SRPK2: variants seen among roughly 807,000 people sequenced by gnomAD.
SRPK2 encodes the protein SFRS protein kinase 2.
SRPK2 carries 21 observed loss-of-function variants against 90.8 expected under a neutral mutation model. That is an observed-to-expected ratio of 0.23 (90% CI 0.16 to 0.33). SRPK2 has a LOEUF of 0.33. Ranked by LOEUF, SRPK2 falls within the 10% of genes least tolerant of loss-of-function variation. The pLI is 1.00. For synonymous variants in SRPK2, 288 were observed against 311.1 expected, an observed-to-expected ratio of 0.93 and a Z score of 0.78; for missense variants, 620 against 869.0, an observed-to-expected ratio of 0.71 and a Z score of 3.60.
At chr7:105,203,283 C>T (rs1795788250) in intron 3 of SRPK2, among the ~76,000 whole-genome samples, 1 of 152,198 alleles carries the variant, frequency 6.6e-6, no homozygotes, top group Admixed American at 6.5e-5. Flanking sequence ...AGCCACCGCA[C>T]TGGCCCAGTG....
intron 2 of SRPK2, among the ~76,000 whole-genome samples, chr7:105,290,641 G>C (rs563883062): frequency 7.9e-5 from 12 of 152,284 alleles, no homozygotes; most frequent in Admixed American, 7.8e-4. Context: ...ACCAGCTTGG[G>C]TAACACACGC....
At chr7:105,260,883 G>T (rs1178570501) in intron 2 of SRPK2, among the ~76,000 whole-genome samples, 2 of 151,594 alleles carry the variant, frequency 1.3e-5, no homozygotes, top group East Asian at 4.0e-4. Flanking sequence ...GAGCCTATTG[G>T]GGGGTGGGGG....
At chr7:105,329,176 T>G (rs1312688578) in intron 2 of SRPK2, among the ~76,000 whole-genome samples, 2 of 152,150 alleles carry the variant, frequency 1.3e-5, no homozygotes, top group African/African-American at 4.8e-5. Flanking sequence ...TCTTTATATA[T>G]TTCACCATGT....
chr7:105,333,276 G>A (rs1332811273), intron 2 of SRPK2, among the ~76,000 whole-genome samples: 1 of 152,112 alleles, frequency 6.6e-6, no homozygotes, highest in East Asian at 1.9e-4. Flanking sequence ...ATGTTACATT[G>A]GAAATTATAA....
chr7:105,332,194 C>T (rs934661057), intron 2 of SRPK2, among the ~76,000 whole-genome samples: 3 of 152,154 alleles, frequency 2.0e-5, no homozygotes, highest in African/African-American at 7.2e-5. Context: ...GTACATTCCT[C>T]ACTGCCACCT....
At chr7:105,175,102 T>C (rs1311972003) in intron 3 of SRPK2, among the ~76,000 whole-genome samples, 3 of 150,224 alleles carry the variant, frequency 2.0e-5, no homozygotes, top group Non-Finnish European at 4.4e-5. Context: ...ATCACACCAC[T>C]GCACTGCAGC....
intron 2 of SRPK2, among the ~76,000 whole-genome samples, chr7:105,207,801 G>A (rs1017016349): frequency 5.3e-5 from 8 of 152,062 alleles, no homozygotes; most frequent in African/African-American, 1.9e-4. Context: ...AAACTAAATT[G>A]GACTTCAAAA....
intron 2 of SRPK2, among the ~76,000 whole-genome samples, chr7:105,253,873 A>G (rs1384557627): frequency 6.7e-6 from 1 of 149,610 alleles, no homozygotes; most frequent in Admixed American, 6.8e-5. Context: ...AGAGAATCTT[A>G]ATTCCTGTAC....
At chr7:105,270,162 T>A (rs907078771) in intron 2 of SRPK2, among the ~76,000 whole-genome samples, 31 of 152,190 alleles carry the variant, frequency 2.0e-4, no homozygotes, top group Non-Finnish European at 3.4e-4. Context: ...ATAACTTCAA[T>A]GAGCATTATA....
intron 3 of SRPK2, among the ~76,000 whole-genome samples, chr7:105,194,841 G>A (rs1794724118): frequency 6.6e-6 from 1 of 152,090 alleles, no homozygotes; most frequent in African/African-American, 2.4e-5. Context: ...GACCAAAAGA[G>A]GGATGGAGCA....
chr7:105,388,481 C>G (rs2132847280), intron 2 of SRPK2, among the ~76,000 whole-genome samples, 167 bp downstream of exon 2: 1 of 147,450 alleles, frequency 6.8e-6, no homozygotes, highest in Middle Eastern at 3.4e-3. Flanking sequence ...CCCCCGCCGC[C>G]GCCCCTCCCC....
At chr7:105,301,680 A>G (rs905720255) in intron 2 of SRPK2, 32 of 1,611,410 alleles carry the variant, frequency 2.0e-5, no homozygotes, top group Middle Eastern at 2.2e-4. Context: ...GGACAGAAAC[A>G]TATCCCCAAA....
intron 2 of SRPK2, among the ~76,000 whole-genome samples, chr7:105,368,884 CAAAAA>C (rs5886350): frequency 2.1e-5 from 2 of 93,118 alleles, no homozygotes; most frequent in South Asian, 4.1e-4. Context: ...AACTCTATCT[CAAAAA>C]AAAAAAAAAA....
chr7:105,302,151 A>C, intron 2 of SRPK2: 2 of 1,150,806 alleles, frequency 1.7e-6, no homozygotes, highest in South Asian at 2.5e-5. Context: ...AAAATCTTTC[A>C]TTACCATTTT....
chr7:105,283,129 A>C (rs2130856631), intron 2 of SRPK2, among the ~76,000 whole-genome samples: 1 of 152,334 alleles, frequency 6.6e-6, no homozygotes, highest in African/African-American at 2.4e-5. Context: ...TATAATCGAA[A>C]AGACAGATAA....
intron 2 of SRPK2, among the ~76,000 whole-genome samples, chr7:105,239,369 A>T (rs1800523424): frequency 6.6e-6 from 1 of 152,266 alleles, no homozygotes; most frequent in African/African-American, 2.4e-5. Context: ...AAGTCAGAAA[A>T]AAATGTCATT....
chr7:105,376,842 A>G (rs28432056), intron 2 of SRPK2, among the ~76,000 whole-genome samples: 1 of 35,148 alleles, frequency 2.8e-5, no homozygotes, highest in Non-Finnish European at 5.3e-5. Context: ...CCGCCCCCCC[A>G]CCCCCCTTTT....
In SRPK2 at chr7:105,142,430, T is replaced by G. The variant is rs772617954; in HGVS notation, c.1121A>C (p.Glu374Ala). 64 of 1,613,380 alleles carry G rather than the reference T, an allele frequency of 4.0e-5. No homozygotes were observed. Among genetic ancestry groups the G allele is most frequent in the Non-Finnish European group, 4.6e-5 (54 of 1,179,878 alleles). Residue 374 changes from glutamate to alanine, a missense_variant, in exon 11 of 16, where the codon GAA becomes GCA. Transcript: ENST00000393651. ...CGCAAGTTCCTGATCTACATCATCTTCATCTTTTTCAATGTTTTCTTTCTC... is the reference window on the plus strand; with the variant it reads ...CGCAAGTTCCTGATCTACATCATCTGCATCTTTTTCAATGTTTTCTTTCTC... ...DAEKENIEKD[E>A]DDVDQELANI...
intron 2 of SRPK2, among the ~76,000 whole-genome samples, chr7:105,283,906 G>A (rs1807677995): frequency 1.3e-5 from 2 of 151,992 alleles, no homozygotes; most frequent in South Asian, 4.2e-4. Context: ...TGAAGTGGAG[G>A]CTGAGCCCAG....
Sources: gnomAD v4.1 joint callset for allele counts (sites outside exome capture counted in the v4.1 genomes callset) on GRCh38, gnomAD v4.1.1 for gene constraint, MANE v1.5 for transcripts, NCBI Gene and HGNC (gene_info 2026-07-23, HGNC 2026-07-21) for gene names.